Variants in CWC27 observed in about 807,000 individuals in gnomAD.
The protein encoded by CWC27 is spliceosome-associated protein CWC27 homolog.
Under a neutral mutation model 63.6 loss-of-function variants are expected in CWC27, and 47 were observed. The observed-to-expected ratio is 0.74, with a 90% CI of 0.58 to 0.94. CWC27 has a LOEUF of 0.94. CWC27 is among the 40% of genes least tolerant of loss of function. The pLI, the probability that CWC27 is intolerant of heterozygous loss-of-function variation, is 0.00. For synonymous variants in CWC27, 175 were observed against 179.8 expected (o/e 0.97, Z 0.22); for missense variants, 495 against 554.3 (o/e 0.89, Z 1.07).
chr5:64,925,530 T>G (rs1748088097), intron 11 of CWC27, among the ~76,000 whole-genome samples: 1 of 152,212 alleles, frequency 6.6e-6, no homozygotes, highest in Non-Finnish European at 1.5e-5. Flanking sequence ...TGCCTATTTC[T>G]GAATCAATTA....
rs569797939 is a variant in CWC27, at chr5:64,964,148, C to T, written c.1043-7555C>T. Reference sequence around the variant, plus strand: ...TAATTTGTGATGCAAAGGTGATTTACTTTTTTAAGTTCTTAATTGTCATTG... The same window carrying T: ...TAATTTGTGATGCAAAGGTGATTTATTTTTTTAAGTTCTTAATTGTCATTG... On this transcript the variant is annotated intron_variant, in intron 11 of 13. Transcript: ENST00000381070. 8.5e-5 allele frequency among the ~76,000 whole-genome samples: 13 copies of T among 152,242 alleles called. No homozygotes were observed. In the South Asian group the frequency reaches 2.7e-3, roughly 32 times the overall value.
At chr5:64,922,809 T>G (rs1748022666) in intron 11 of CWC27, among the ~76,000 whole-genome samples, 1 of 152,234 alleles carries the variant, frequency 6.6e-6, no homozygotes, top group African/African-American at 2.4e-5. Context: ...TTTTATGATC[T>G]TCATTGTCCT....
intron 7 of CWC27, among the ~76,000 whole-genome samples, chr5:64,794,402 A>G (rs1744185316): frequency 6.6e-6 from 1 of 152,158 alleles, no homozygotes; most frequent in African/African-American, 2.4e-5. Flanking sequence ...CTTGAGTTCA[A>G]TAAAATCAGC....
At chr5:64,997,659 T>C (rs1284860606) in intron 13 of CWC27, among the ~76,000 whole-genome samples, 1 of 152,150 alleles carries the variant, frequency 6.6e-6, no homozygotes, top group Non-Finnish European at 1.5e-5. Context: ...TGAGTTTTGA[T>C]ATTTTTTCAG....
At chr5:64,945,375 T>C (rs773163423) in intron 11 of CWC27, among the ~76,000 whole-genome samples, 5 of 152,154 alleles carry the variant, frequency 3.3e-5, no homozygotes, top group African/African-American at 7.2e-5. Flanking sequence ...AAAATAAAAT[T>C]GGAGGCTGAA....
At chr5:64,836,567 G>C (rs1223815340) in intron 10 of CWC27, among the ~76,000 whole-genome samples, 1 of 151,844 alleles carries the variant, frequency 6.6e-6, no homozygotes, top group East Asian at 1.9e-4. Flanking sequence ...AAACAAAAAG[G>C]CAAATCATTT....
intron 10 of CWC27, among the ~76,000 whole-genome samples, chr5:64,841,797 TCCTGA>T (rs1745850466): frequency 6.6e-6 from 1 of 152,158 alleles, no homozygotes; most frequent in Non-Finnish European, 1.5e-5. Context: ...TGCCTCAGCC[TCCTGA>T]GTAGCTGGGA....
Position 64,977,158 on chromosome 5 carries a change from T to G in CWC27, c.1176T>G (p.Phe392Leu), listed in dbSNP as rs1460780633. Reference protein sequence around the residue: ...EDQTLALLNQFKSKLTQAIAE... With the variant: ...EDQTLALLNQLKSKLTQAIAE... ...AGACCCTTGCACTGCTGAACCAGTT[T>G]AAATCTAAACTCACTCAAGCAATTG... Residue 392 changes from phenylalanine to leucine, a missense_variant, in exon 13 of 14, where the codon TTT becomes TTG. Physicochemically the swap from Phe to Leu is conservative, Grantham distance 22. Transcript: ENST00000381070. 2 of 1,611,488 alleles carry G rather than the reference T, an allele frequency of 1.2e-6. No homozygotes were observed.
At chr5:64,981,521 T>C (rs930567718) in intron 13 of CWC27, among the ~76,000 whole-genome samples, 66 of 152,350 alleles carry the variant, frequency 4.3e-4, no homozygotes, top group African/African-American at 1.5e-3. Flanking sequence ...CATCCTTGTT[T>C]CTATGTCATT....
chr5:64,794,045 A>G (rs1744171115), intron 7 of CWC27, among the ~76,000 whole-genome samples: 1 of 152,154 alleles, frequency 6.6e-6, no homozygotes, highest in Non-Finnish European at 1.5e-5. Flanking sequence ...TCTTAGAATC[A>G]TAGAATTTTA....
intron 7 of CWC27, 86 bp downstream of exon 7, chr5:64,789,106 G>T: frequency 1.2e-6 from 1 of 809,992 alleles, no homozygotes; most frequent in Non-Finnish European, 1.9e-6. Context: ...TGCTATATCT[G>T]GCACAGCATG....
chr5:64,925,920 A>G (rs543185219), intron 11 of CWC27, among the ~76,000 whole-genome samples: 1 of 151,976 alleles, frequency 6.6e-6, no homozygotes, highest in South Asian at 2.1e-4. Flanking sequence ...TGCTTATGGG[A>G]TTTTTGTCCT....
At chr5:64,782,128 A>G in intron 3 of CWC27, 95 bp downstream of exon 3, 1 of 629,046 alleles carries the variant, frequency 1.6e-6, no homozygotes. Context: ...TGTGTTCCAC[A>G]AGAGGAAAAA....
At chr5:64,850,028 T>C (rs1746094554) in intron 10 of CWC27, among the ~76,000 whole-genome samples, 1 of 152,166 alleles carries the variant, frequency 6.6e-6, no homozygotes, top group Non-Finnish European at 1.5e-5. Flanking sequence ...AAAAGTCCAA[T>C]GTTACTTTTC....
chr5:64,831,818 G>A (rs1364321456), intron 10 of CWC27, among the ~76,000 whole-genome samples: 1 of 151,708 alleles, frequency 6.6e-6, no homozygotes, highest in Non-Finnish European at 1.5e-5. Context: ...AAAATTGAGT[G>A]GTTTTATTTT....
chr5:64,856,520 T>G (rs898453746), intron 10 of CWC27, among the ~76,000 whole-genome samples: 24 of 151,916 alleles, frequency 1.6e-4, no homozygotes, highest in African/African-American at 3.1e-4. Context: ...AATCTAAACT[T>G]ATAATAGTTT....
chr5:64,876,169 C>A (rs1473952183), intron 10 of CWC27, among the ~76,000 whole-genome samples: 1 of 152,046 alleles, frequency 6.6e-6, no homozygotes, highest in African/African-American at 2.4e-5. Flanking sequence ...TACATTTTGG[C>A]ACTTTTTGAA....
At chr5:64,867,748 A>G (rs1746564027) in intron 10 of CWC27, among the ~76,000 whole-genome samples, 1 of 152,122 alleles carries the variant, frequency 6.6e-6, no homozygotes, top group Non-Finnish European at 1.5e-5. Flanking sequence ...ACTGAAAGAC[A>G]TAGCAGACCC....
intron 13 of CWC27, among the ~76,000 whole-genome samples, chr5:65,003,008 T>C (rs1219742097): frequency 6.6e-6 from 1 of 152,242 alleles, no homozygotes; most frequent in African/African-American, 2.4e-5. Context: ...TATATCCTCT[T>C]GCTGATTTGA....
Sources: allele counts gnomAD v4.1 joint callset (sites outside exome capture counted in the v4.1 genomes callset), GRCh38; gene constraint gnomAD v4.1.1; transcripts MANE v1.5; gene names NCBI Gene and HGNC (gene_info 2026-07-23, HGNC 2026-07-21).